DENND6A: variants seen among roughly 807,000 people sequenced by gnomAD.
The protein encoded by DENND6A is protein DENND6A.
In DENND6A, 43 loss-of-function variants were observed where a neutral mutation model predicts 95.5. That is an observed-to-expected ratio of 0.45 (90% CI 0.35 to 0.58). The LOEUF (loss-of-function observed/expected upper bound fraction) is 0.58. Among genes scored for constraint, DENND6A ranks in the 20% least tolerant of loss-of-function variants. DENND6A has a pLI of 0.00. For missense variants in DENND6A, 574 were observed against 736.0 expected, an observed-to-expected ratio of 0.78 and a Z score of 2.55; for synonymous variants, 257 against 260.4, an observed-to-expected ratio of 0.99 and a Z score of 0.13.
Position 57,634,760 on chromosome 3 carries a change from G to C in DENND6A, c.1142C>G (p.Pro381Arg). 1 of 1,562,574 alleles carries C rather than the reference G, an allele frequency of 6.4e-7. No individual in the cohort carries two copies. Among genetic ancestry groups the C allele is most frequent in the East Asian group, 2.3e-5 (1 of 43,754 alleles). ...IGDLKPTGEI[P>R]KQVKVKKLKN... The stretch of plus-strand genomic sequence containing the variant: ...CAGTTTTTTCACTTTAACCTGCTTA[G>C]GAATTTCACCTGAAGGAAGCAGCAT... The change falls in exon 13 of 20, where the codon CCT becomes CGT. Residue 381 changes from proline (P) to arginine (R), a missense_variant. Around this residue, in one of 2 missense-constraint regions of DENND6A, gnomAD observed 452 missense variants for 630.9 expected, o/e 0.72. Transcript: ENST00000311128.
chr3:57,670,226 G>A (rs2071594024), intron 3 of DENND6A, among the ~76,000 whole-genome samples: 1 of 152,036 alleles, frequency 6.6e-6, no homozygotes, highest in Admixed American at 6.6e-5. Flanking sequence ...ACTAACTGGG[G>A]CCTGTGAAAT....
At chr3:57,689,657 AGTAGGAACCT>A (rs2077242939) in intron 1 of DENND6A, among the ~76,000 whole-genome samples, 1 of 152,184 alleles carries the variant, frequency 6.6e-6, no homozygotes, top group Non-Finnish European at 1.5e-5. Flanking sequence ...ATTGTATCAG[AGTAGGAACCT>A]GCCCCAAACC....
intron 1 of DENND6A, among the ~76,000 whole-genome samples, chr3:57,676,195 T>C (rs557656486): frequency 1.3e-5 from 2 of 151,972 alleles, no homozygotes; most frequent in African/African-American, 4.8e-5. Flanking sequence ...CTGGCTAACA[T>C]GGCGAAACCA....
chr3:57,634,795 TA>T, intron 12 of DENND6A, 26 bp from the exon 13 acceptor site: 1 of 1,515,532 alleles, frequency 6.6e-7, no homozygotes, highest in Non-Finnish European at 8.8e-7. Flanking sequence ...TAAAGATTTT[TA>T]TAATTATTCT....
intron 14 of DENND6A, among the ~76,000 whole-genome samples, chr3:57,634,174 T>C (rs2153412312): frequency 6.6e-6 from 1 of 152,256 alleles, no homozygotes; most frequent in South Asian, 2.1e-4. Flanking sequence ...GGCTGACGCC[T>C]GTAATCCCAG....
At position 57,692,771 on chromosome 3, in the gene DENND6A, C is replaced by A; in HGVS notation, c.237+11G>T. ...GGAGGAGCGCCGAGAAAGGGCGGGG[C>A]CGGGCCTCACCTCCACGGCCTGGCC... On this transcript the variant is annotated intron_variant, in intron 1 of 19. Coordinates refer to ENST00000311128, the MANE Select transcript of DENND6A (RefSeq NM_152678.3). The A allele has an allele frequency of 6.7e-7, 1 of 1,481,816 alleles. No individual in the cohort carries two copies. The highest frequency in any genetic ancestry group is 1.3e-5 in the South Asian group (1 of 74,782). The allele number at this position is 1,481,816 out of a possible 1,614,324, so 91.8% of individuals were successfully genotyped here. A position where few individuals can be genotyped will look rare whatever the true frequency, so the allele number is the denominator to read the frequency against.
chr3:57,633,695 C>G (rs952433982), intron 14 of DENND6A, among the ~76,000 whole-genome samples: 1 of 152,100 alleles, frequency 6.6e-6, no homozygotes, highest in African/African-American at 2.4e-5. Context: ...TCAGGACCAG[C>G]CTGGCCATCA....
At chr3:57,683,136 C>T (rs1014659035) in intron 1 of DENND6A, among the ~76,000 whole-genome samples, 1 of 152,056 alleles carries the variant, frequency 6.6e-6, no homozygotes, top group Non-Finnish European at 1.5e-5. Flanking sequence ...TAGGTACCAA[C>T]AAAAATTTAA....
intron 1 of DENND6A, among the ~76,000 whole-genome samples, chr3:57,678,086 G>A (rs1040180389): frequency 6.6e-6 from 1 of 151,912 alleles, no homozygotes; most frequent in African/African-American, 2.4e-5. Flanking sequence ...ATTCCTAAAG[G>A]AAATGATTCT....
chr3:57,663,051 C>G (rs2071454470), intron 5 of DENND6A, among the ~76,000 whole-genome samples: 1 of 150,380 alleles, frequency 6.6e-6, no homozygotes, highest in Non-Finnish European at 1.5e-5. Flanking sequence ...GAATACAGTA[C>G]CTGTACTCCC....
At chr3:57,665,043 GAC>G (rs1230939948) in intron 4 of DENND6A, among the ~76,000 whole-genome samples, 7 of 152,142 alleles carry the variant, frequency 4.6e-5, no homozygotes, top group African/African-American at 1.7e-4. Context: ...AAACACAAAA[GAC>G]AGAAAAATAC....
intron 1 of DENND6A, among the ~76,000 whole-genome samples, chr3:57,692,123 G>T (rs1337834723): frequency 6.6e-6 from 1 of 151,504 alleles, no homozygotes; most frequent in Non-Finnish European, 1.5e-5. Flanking sequence ...AGCTACTCGG[G>T]AGGCTGAGGC....
In DENND6A at chr3:57,667,728, T is replaced by C. The variant is rs181224598; in HGVS notation, c.320-1493A>G. Among the ~76,000 whole-genome samples the C allele has an allele frequency of 3.1e-3, 477 of 152,290 alleles. 2 individuals carry two copies. Among genetic ancestry groups the C allele is most frequent in the African/African-American group, 0.011 (450 of 41,560 alleles). ...CAAATAAATATGCAAGTTGAGAATA[T>C]ATATTTAGAAACTTTCATAGCAACT... On this transcript the variant is annotated intron_variant, in intron 3 of 19. Coordinates refer to ENST00000311128, the MANE Select transcript of DENND6A (RefSeq NM_152678.3).
At chr3:57,674,389 T>G (rs556959166) in intron 1 of DENND6A, among the ~76,000 whole-genome samples, 1 of 127,200 alleles carries the variant, frequency 7.9e-6, no homozygotes, top group East Asian at 2.3e-4. Context: ...AAAAAAGAAA[T>G]TGGGAGGCCG....
At chr3:57,655,942 A>G (rs143962387) in intron 9 of DENND6A, among the ~76,000 whole-genome samples, 1,995 of 152,324 alleles carry the variant, frequency 0.013, 49 homozygotes, top group African/African-American at 0.045. Context: ...TTATTCCTTA[A>G]TGAGTCAAGT....
intron 1 of DENND6A, among the ~76,000 whole-genome samples, chr3:57,676,575 A>G (rs2071713735): frequency 6.6e-6 from 1 of 152,032 alleles, no homozygotes; most frequent in Admixed American, 6.5e-5. Context: ...TGTATTAGGA[A>G]AAAAGACCTA....
At chr3:57,674,164 C>G (rs968232027) in intron 1 of DENND6A, among the ~76,000 whole-genome samples, 9 of 151,796 alleles carry the variant, frequency 5.9e-5, no homozygotes, top group African/African-American at 2.2e-4. Context: ...GGGAGGATCA[C>G]GAGGGCAGGA....
chr3:57,670,955 C>T (rs950006260), intron 3 of DENND6A, among the ~76,000 whole-genome samples: 2 of 152,180 alleles, frequency 1.3e-5, no homozygotes, highest in Non-Finnish European at 2.9e-5. Flanking sequence ...AATGAAGATA[C>T]ATTCCTACAA....
At chr3:57,673,566 C>T (rs1320194564) in intron 1 of DENND6A, among the ~76,000 whole-genome samples, 1 of 152,048 alleles carries the variant, frequency 6.6e-6, no homozygotes, top group Non-Finnish European at 1.5e-5. Context: ...TTCAAAATCA[C>T]TAAAGAGTAG....
Sources: gnomAD v4.1 joint callset for allele counts (sites outside exome capture counted in the v4.1 genomes callset) on GRCh38, gnomAD v4.1.1 for gene constraint, gnomAD v4.1.1 regional missense constraint, MANE v1.5 for transcripts, NCBI Gene and HGNC (gene_info 2026-07-23, HGNC 2026-07-21) for gene names.